Variants in UBTD2 observed in about 807,000 individuals in gnomAD.
The protein encoded by UBTD2 is ubiquitin domain-containing protein 2.
UBTD2 carries 9 observed loss-of-function variants against 19.8 expected under a neutral mutation model. The ratio of observed to expected loss-of-function variants is 0.46; its 90% confidence interval spans 0.27 to 0.79. The LOEUF (loss-of-function observed/expected upper bound fraction) is 0.79. Ranked by LOEUF, UBTD2 falls within the 30% of genes least tolerant of loss-of-function variation. The probability of loss-of-function intolerance (pLI) is 0.14; values close to 1 mark genes in which losing one functional copy is unlikely to be tolerated. For missense variants in UBTD2, 250 were observed against 300.4 expected (o/e 0.83, Z 1.24); for synonymous variants, 98 against 103.9 (o/e 0.94, Z 0.35).
intron 2 of UBTD2, among the ~76,000 whole-genome samples, chr5:172,222,991 A>G (rs1391818917): frequency 6.6e-6 from 1 of 152,238 alleles, no homozygotes; most frequent in Non-Finnish European, 1.5e-5. Context: ...AGAAAGAAAG[A>G]TTGATTGGAA....
Position 172,283,520 on chromosome 5 carries a change from C to G in UBTD2, c.70+76G>C. The G allele has an allele frequency of 8.6e-7, 1 of 1,165,796 alleles. No homozygotes were observed. Among genetic ancestry groups the G allele is most frequent in the South Asian group, 3.6e-5 (1 of 27,802 alleles). 72.2% of individuals were successfully genotyped at this position (1,165,796 alleles called of 1,614,324 possible). On this transcript the variant is annotated intron_variant, in intron 1 of 2. Transcript: ENST00000393792. The surrounding 1 kb of genome is among the most constrained non-coding windows in gnomAD (Gnocchi z 4.3). ...AGGGGCGCGGGGGCCCGGCGCGGCC[C>G]GCGGGGGTCGGGACAGGTGGCCGGG...
chr5:172,262,559 C>T (rs1755292607), intron 1 of UBTD2, among the ~76,000 whole-genome samples: 1 of 151,952 alleles, frequency 6.6e-6, no homozygotes, highest in Admixed American at 6.6e-5. Flanking sequence ...CATCTGTAAT[C>T]CCAGCACTTT....
At chr5:172,233,193 G>A (rs1423717258) in intron 2 of UBTD2, among the ~76,000 whole-genome samples, 1 of 152,104 alleles carries the variant, frequency 6.6e-6, no homozygotes, top group Non-Finnish European at 1.5e-5. Context: ...AAAGCAGATG[G>A]TTCAACAATG....
chr5:172,233,182 T>A (rs1161838908), intron 2 of UBTD2, among the ~76,000 whole-genome samples: 1 of 152,050 alleles, frequency 6.6e-6, no homozygotes, highest in African/African-American at 2.4e-5. Context: ...TGAAAGGACA[T>A]AAAGCAGATG....
intron 2 of UBTD2, among the ~76,000 whole-genome samples, chr5:172,224,098 T>C (rs1418292504): frequency 6.6e-6 from 1 of 151,836 alleles, no homozygotes; most frequent in Non-Finnish European, 1.5e-5. Context: ...GAGAGGAGTG[T>C]GTGAAAAAAA....
chr5:172,276,094 T>A (rs542658573), intron 1 of UBTD2, among the ~76,000 whole-genome samples: 7 of 152,142 alleles, frequency 4.6e-5, no homozygotes, highest in Non-Finnish European at 8.8e-5. Flanking sequence ...ATTCTGTAGG[T>A]CTAAGGCTCT....
At chr5:172,274,784 T>C (rs1755574605) in intron 1 of UBTD2, among the ~76,000 whole-genome samples, 2 of 152,022 alleles carry the variant, frequency 1.3e-5, no homozygotes, top group African/African-American at 2.4e-5. Context: ...CTCATGCCTG[T>C]AATCCCAGCA....
intron 1 of UBTD2, among the ~76,000 whole-genome samples, chr5:172,266,754 T>C (rs954031401): frequency 2.6e-5 from 4 of 152,154 alleles, no homozygotes; most frequent in Admixed American, 1.3e-4. Context: ...AGCCAAAAGT[T>C]GGCCGGCTGC....
chr5:172,269,609 G>A (rs1257515145), intron 1 of UBTD2, among the ~76,000 whole-genome samples: 1 of 151,784 alleles, frequency 6.6e-6, no homozygotes, highest in Non-Finnish European at 1.5e-5. Context: ...AGCTAATGGA[G>A]GCCTCTTCTC....
At chr5:172,283,790 G>C (rs1163323840), upstream of UBTD2, 1 of 573,526 alleles carries the variant, frequency 1.7e-6, no homozygotes, top group Non-Finnish European at 2.3e-6. The surrounding 1 kb of genome is among the most constrained non-coding windows in gnomAD (Gnocchi z 4.3). Context: ...CTCGCCCGCC[G>C]CGGCCCAGCC....
chr5:172,279,974 G>A (rs891259825), intron 1 of UBTD2, among the ~76,000 whole-genome samples: 4 of 152,092 alleles, frequency 2.6e-5, no homozygotes, highest in Admixed American at 6.5e-5. Context: ...GGTGGCGCAC[G>A]CCGGTAATGC....
chr5:172,280,063 T>C (rs1362182468), intron 1 of UBTD2, among the ~76,000 whole-genome samples: 3 of 151,568 alleles, frequency 2.0e-5, no homozygotes, highest in African/African-American at 7.3e-5. Flanking sequence ...GATCGTGCCA[T>C]TGCATTCCAG....
chr5:172,255,058 C>A, intron 1 of UBTD2: 1 of 504,624 alleles, frequency 2.0e-6, no homozygotes, highest in South Asian at 1.7e-5. Flanking sequence ...CAGCTGCCAT[C>A]ATCTGCGGCA....
At position 172,211,101 on chromosome 5, in the gene UBTD2, G is replaced by C. The variant is rs962944341; in HGVS notation, c.*729C>G. ...CAACTGAGTATCTGTTGAAACTCAA[G>C]AGACCTGACTGTATTGATGAAATTA... On this transcript the variant is annotated 3_prime_UTR_variant, in exon 3 of 3. Coordinates refer to ENST00000393792, the MANE Select transcript of UBTD2 (RefSeq NM_152277.3). 3 of 152,176 alleles carry C rather than the reference G, an allele frequency of 2.0e-5. No homozygotes were observed. The highest frequency in any genetic ancestry group is 7.2e-5 in the African/African-American group (3 of 41,436). The allele number at this position is 152,176 out of a possible 1,614,324, so 9.4% of individuals were successfully genotyped here.
chr5:172,229,739 T>C (rs1249405438), intron 2 of UBTD2, among the ~76,000 whole-genome samples: 1 of 152,122 alleles, frequency 6.6e-6, no homozygotes, highest in Non-Finnish European at 1.5e-5. Context: ...TGTTCATCTT[T>C]ACAAGATACA....
At chr5:172,215,164 G>A (rs1771517843) in intron 2 of UBTD2, among the ~76,000 whole-genome samples, 1 of 152,226 alleles carries the variant, frequency 6.6e-6, no homozygotes, top group South Asian at 2.1e-4. Context: ...TTGGTGAAGG[G>A]TGTCTGGGAA....
intron 1 of UBTD2, among the ~76,000 whole-genome samples, chr5:172,264,287 C>G (rs1280927132): frequency 6.6e-6 from 1 of 152,062 alleles, no homozygotes; most frequent in Non-Finnish European, 1.5e-5. Flanking sequence ...TGGCTCACAC[C>G]TGTAATCCCA....
At chr5:172,255,186 C>T in intron 1 of UBTD2, 1 of 449,694 alleles carries the variant, frequency 2.2e-6, no homozygotes, top group Admixed American at 2.7e-5. Context: ...AGGATAGGAA[C>T]TTGAGAGAGG....
At chr5:172,272,734 C>T (rs1169230297) in intron 1 of UBTD2, among the ~76,000 whole-genome samples, 2 of 152,118 alleles carry the variant, frequency 1.3e-5, no homozygotes, top group African/African-American at 4.8e-5. Flanking sequence ...CAAAGCTTTG[C>T]ATATACAGTA....
Sources: allele counts gnomAD v4.1 joint callset (sites outside exome capture counted in the v4.1 genomes callset), GRCh38; gene constraint gnomAD v4.1.1; non-coding constraint Gnocchi (gnomAD v3.1); transcripts MANE v1.5; gene names NCBI Gene and HGNC (gene_info 2026-07-23, HGNC 2026-07-21).